STRN: variants seen among roughly 807,000 people sequenced by gnomAD.
The protein encoded by STRN is protein phosphatase 2 regulatory subunit B'''alpha.
A neutral mutation model predicts 96.3 loss-of-function variants in STRN; 53 were observed. That is an observed-to-expected ratio of 0.55 (90% CI 0.44 to 0.69). The LOEUF (loss-of-function observed/expected upper bound fraction) is 0.69. Among genes scored for constraint, STRN ranks in the 30% least tolerant of loss-of-function variants. The pLI is 0.00. For synonymous variants in STRN, 428 were observed against 355.9 expected (o/e 1.20, Z -2.28); for missense variants, 987 against 963.9 (o/e 1.02, Z -0.32).
At chr2:36,952,953 A>G (rs1486599842) in intron 1 of STRN, among the ~76,000 whole-genome samples, 4 of 152,236 alleles carry the variant, frequency 2.6e-5, no homozygotes, top group African/African-American at 9.6e-5. Context: ...TAAACAAAAA[A>G]GGAACAAATC....
chr2:36,857,539 G>A (rs1192152780), intron 14 of STRN, among the ~76,000 whole-genome samples: 4 of 151,748 alleles, frequency 2.6e-5, no homozygotes, highest in Non-Finnish European at 4.4e-5. Flanking sequence ...TTAGCTGAGC[G>A]TGGTGGTGTG....
chr2:36,930,763 T>C (rs1314743329), intron 1 of STRN, among the ~76,000 whole-genome samples: 2 of 152,124 alleles, frequency 1.3e-5, no homozygotes, highest in Non-Finnish European at 2.9e-5. Flanking sequence ...CCGGGCGCAG[T>C]GGCTCAGGCC....
intron 12 of STRN, among the ~76,000 whole-genome samples, chr2:36,863,134 G>T (rs2110943): frequency 0.92 from 139,484 of 152,192 alleles, 65,201 homozygotes; most frequent in East Asian, 1. Context: ...GTCTATTTAC[G>T]CTGTTGATCG....
At chr2:36,857,828 C>T in intron 14 of STRN, 28 bp downstream of exon 14, 1 of 1,582,174 alleles carries the variant, frequency 6.3e-7, no homozygotes, top group Non-Finnish European at 8.6e-7. Flanking sequence ...ATAGAGGATT[C>T]AGCAAAATAA....
intron 6 of STRN, among the ~76,000 whole-genome samples, chr2:36,895,951 C>G (rs1477341554): frequency 2.0e-5 from 3 of 151,838 alleles, no homozygotes; most frequent in Non-Finnish European, 4.4e-5. Flanking sequence ...ACAGGTGTAT[C>G]TGAAGAGTTA....
chr2:36,902,166 A>T (rs1420871763), intron 5 of STRN, among the ~76,000 whole-genome samples: 1 of 152,238 alleles, frequency 6.6e-6, no homozygotes, highest in Non-Finnish European at 1.5e-5. Flanking sequence ...TTTTATATCA[A>T]AGATAAATTA....
intron 7 of STRN, among the ~76,000 whole-genome samples, chr2:36,892,370 C>T (rs769493252): frequency 2.6e-5 from 4 of 151,960 alleles, no homozygotes; most frequent in African/African-American, 4.8e-5. Flanking sequence ...TGCATCATCA[C>T]GCAATATACC....
chr2:36,887,683 G>C (rs1297807392), intron 7 of STRN, among the ~76,000 whole-genome samples: 4 of 152,142 alleles, frequency 2.6e-5, no homozygotes, highest in South Asian at 4.1e-4. Flanking sequence ...TTAATACATA[G>C]CATTTGAAAA....
chr2:36,841,760 T>G lies in STRN; in HGVS notation c.*7696A>C, dbSNP rs1311447420. The G allele has an allele frequency of 6.6e-6, 1 of 152,236 alleles. No homozygotes were observed. The highest frequency in any genetic ancestry group is 6.5e-5 in the Admixed American group (1 of 15,280). 9.4% of individuals were successfully genotyped at this position (152,236 alleles called of 1,614,324 possible). ...AATGAAAACTATTTCCTCTGACACT[T>G]TGCCATGGGGCTCTAGGATACTTTT... On this transcript the variant is annotated 3_prime_UTR_variant, in exon 18 of 18. Transcript: ENST00000263918.
chr2:36,897,351 A>T (rs571917383), intron 6 of STRN, among the ~76,000 whole-genome samples: 30 of 152,132 alleles, frequency 2.0e-4, no homozygotes, highest in African/African-American at 7.0e-4. Context: ...TGTGCAAATT[A>T]ATGTAATATA....
chr2:36,953,714 G>GA (rs1664815201), intron 1 of STRN, among the ~76,000 whole-genome samples: 1 of 152,000 alleles, frequency 6.6e-6, no homozygotes, highest in South Asian at 2.1e-4. Flanking sequence ...GGTACTTTAA[G>GA]AAAAAACAGC....
chr2:36,882,207 C>T (rs1182797525), intron 9 of STRN, among the ~76,000 whole-genome samples: 1 of 151,254 alleles, frequency 6.6e-6, no homozygotes, highest in Non-Finnish European at 1.5e-5. Context: ...AAGAAAAAAA[C>T]ATATGATTAT....
At chr2:36,954,143 T>C (rs144037588) in intron 1 of STRN, among the ~76,000 whole-genome samples, 2,409 of 152,304 alleles carry the variant, frequency 0.016, 67 homozygotes, top group Non-Finnish European at 0.015. Context: ...ATATTTGATA[T>C]GTGATCAATA....
intron 5 of STRN, among the ~76,000 whole-genome samples, chr2:36,900,084 C>T (rs1241794208): frequency 6.6e-6 from 1 of 152,048 alleles, no homozygotes; most frequent in Non-Finnish European, 1.5e-5. Flanking sequence ...AGATGGGGTT[C>T]CACTATGTTG....
At chr2:36,942,904 C>T (rs909871913) in intron 1 of STRN, among the ~76,000 whole-genome samples, 1 of 152,136 alleles carries the variant, frequency 6.6e-6, no homozygotes, top group African/African-American at 2.4e-5. Context: ...CCATGTTGGC[C>T]AGGCTGGTGT....
At chr2:36,931,448 T>C (rs1469313149) in intron 1 of STRN, among the ~76,000 whole-genome samples, 1 of 152,220 alleles carries the variant, frequency 6.6e-6, no homozygotes, top group Non-Finnish European at 1.5e-5. Context: ...ACAAGCTGTG[T>C]TATGTTCACA....
chr2:36,942,956 A>C (rs1490699364), intron 1 of STRN, among the ~76,000 whole-genome samples: 2 of 152,086 alleles, frequency 1.3e-5, no homozygotes, highest in Non-Finnish European at 1.5e-5. Flanking sequence ...TCGGCCTCCC[A>C]AAGTGCTGGG....
chr2:36,943,877 G>C (rs1257556433), intron 1 of STRN, among the ~76,000 whole-genome samples: 2 of 152,192 alleles, frequency 1.3e-5, no homozygotes, highest in African/African-American at 4.8e-5. Context: ...AGCACTTTAA[G>C]AGGCAGAGGT....
intron 12 of STRN, among the ~76,000 whole-genome samples, chr2:36,864,912 A>C (rs945020498): frequency 2.6e-5 from 4 of 152,018 alleles, no homozygotes; most frequent in Admixed American, 6.6e-5. Context: ...ATGGGGTTTC[A>C]CCATGTTGGC....
Sources: allele counts gnomAD v4.1 joint callset (sites outside exome capture counted in the v4.1 genomes callset), GRCh38; gene constraint gnomAD v4.1.1; transcripts MANE v1.5; gene names NCBI Gene and HGNC (gene_info 2026-07-23, HGNC 2026-07-21).